The following CNTNAP5 variants were observed in gnomAD, a reference collection of about 807,000 sequenced individuals.
CNTNAP5 encodes contactin-associated protein-like 5.
CNTNAP5 carries 72 observed loss-of-function variants against 150.2 expected under a neutral mutation model. The ratio of observed to expected loss-of-function variants is 0.48; its 90% CI spans 0.40 to 0.58. CNTNAP5 has a LOEUF of 0.58. Ranked by LOEUF, CNTNAP5 falls within the 20% of genes least tolerant of loss-of-function variation. The pLI is 0.00. For synonymous variants in CNTNAP5, 672 were observed against 619.8 expected, an observed-to-expected ratio of 1.08 and a Z score of -1.25; for missense variants, 1,636 against 1,626.2, an observed-to-expected ratio of 1.01 and a Z score of -0.10.
At chr2:124,198,380 A>G (rs1265114800) in intron 1 of CNTNAP5, among the ~76,000 whole-genome samples, 3 of 152,094 alleles carry the variant, frequency 2.0e-5, no homozygotes, top group African/African-American at 7.2e-5. Flanking sequence ...ATGTACCTAT[A>G]TATTACAATA....
chr2:124,087,167 A>G (rs563298092), intron 1 of CNTNAP5, among the ~76,000 whole-genome samples: 1 of 151,942 alleles, frequency 6.6e-6, no homozygotes, highest in East Asian at 1.9e-4. Context: ...TTAGAAGCAC[A>G]TTATACGACA....
At chr2:124,140,578 C>G (rs1349019330) in intron 1 of CNTNAP5, among the ~76,000 whole-genome samples, 2 of 97,362 alleles carry the variant, frequency 2.1e-5, no homozygotes, top group Non-Finnish European at 4.3e-5. Flanking sequence ...AGCTGAGGGT[C>G]CTGTCTGTTA....
At chr2:124,052,628 T>C (rs922016385) in intron 1 of CNTNAP5, among the ~76,000 whole-genome samples, 3 of 152,228 alleles carry the variant, frequency 2.0e-5, no homozygotes, top group Non-Finnish European at 4.4e-5. Context: ...ATTGGACTTG[T>C]GTTCTGAGCT....
chr2:124,834,458 T>A (rs950155930), intron 19 of CNTNAP5, among the ~76,000 whole-genome samples: 4 of 152,174 alleles, frequency 2.6e-5, no homozygotes, highest in African/African-American at 9.7e-5. Context: ...CCACGTTTCC[T>A]AGCCAGCTGT....
chr2:124,286,784 T>A (rs1326557165), intron 3 of CNTNAP5, among the ~76,000 whole-genome samples: 1 of 152,122 alleles, frequency 6.6e-6, no homozygotes, highest in East Asian at 1.9e-4. Context: ...CAGTTCAGGG[T>A]TTGCACTGTG....
chr2:124,604,353 AT>A, intron 11 of CNTNAP5, among the ~76,000 whole-genome samples: 1 of 152,306 alleles, frequency 6.6e-6, no homozygotes, highest in East Asian at 1.9e-4. Context: ...TATTAAATGT[AT>A]TTTTATATTT....
chr2:124,377,673 C>A (rs1402266700), intron 3 of CNTNAP5, among the ~76,000 whole-genome samples: 5 of 134,092 alleles, frequency 3.7e-5, no homozygotes, highest in Non-Finnish European at 6.3e-5. Context: ...AAAACTCCAT[C>A]TCAAAAAGGA....
intron 15 of CNTNAP5, 38 bp downstream of exon 15, chr2:124,763,837 A>T (rs769450772): frequency 6.2e-7 from 1 of 1,611,770 alleles, no homozygotes; most frequent in South Asian, 1.1e-5. Flanking sequence ...TCTCTGCATT[A>T]CATGAGCACA....
intron 1 of CNTNAP5, among the ~76,000 whole-genome samples, chr2:124,163,242 A>T (rs900168870): frequency 9.2e-5 from 14 of 152,250 alleles, no homozygotes; most frequent in Non-Finnish European, 1.9e-4. Flanking sequence ...TCAGTGTTTG[A>T]TATTTGGGCC....
At chr2:124,161,379 AG>A in intron 1 of CNTNAP5, among the ~76,000 whole-genome samples, 1 of 152,194 alleles carries the variant, frequency 6.6e-6, no homozygotes, top group East Asian at 1.9e-4. Context: ...TTGGATTTGG[AG>A]AAAATAAACT....
intron 1 of CNTNAP5, among the ~76,000 whole-genome samples, chr2:124,155,940 G>A (rs960537): frequency 0.069 from 10,490 of 152,326 alleles, 558 homozygotes; most frequent in East Asian, 0.24. Flanking sequence ...GGACAAGTGG[G>A]ATAGAGCAAG....
intron 1 of CNTNAP5, among the ~76,000 whole-genome samples, chr2:124,163,854 T>C (rs966137715): frequency 2.9e-5 from 2 of 68,096 alleles, no homozygotes; most frequent in African/African-American, 4.9e-5. Flanking sequence ...TGCTTCTGCA[T>C]GCCTCTAAGA....
At chr2:124,690,546 G>C (rs566749678) in intron 13 of CNTNAP5, among the ~76,000 whole-genome samples, 11 of 152,106 alleles carry the variant, frequency 7.2e-5, no homozygotes, top group African/African-American at 2.6e-4. Context: ...TACCTACCAG[G>C]TAAATGATAG....
chr2:124,036,419 G>T (rs1049784695), intron 1 of CNTNAP5, among the ~76,000 whole-genome samples: 1 of 151,958 alleles, frequency 6.6e-6, no homozygotes, highest in Non-Finnish European at 1.5e-5. Context: ...GATACTGCTC[G>T]CCCCTGTTAC....
chr2:124,681,901 C>T (rs1053892067), intron 13 of CNTNAP5, among the ~76,000 whole-genome samples: 2 of 152,008 alleles, frequency 1.3e-5, no homozygotes, highest in African/African-American at 4.8e-5. Flanking sequence ...ATTTTTCAAT[C>T]CTGATTCCTA....
intron 12 of CNTNAP5, among the ~76,000 whole-genome samples, chr2:124,610,618 T>A (rs1677358128): frequency 6.6e-6 from 1 of 152,194 alleles, no homozygotes; most frequent in Admixed American, 6.5e-5. Context: ...TAATTTACCA[T>A]GAAATACATT....
At chr2:124,682,325 G>A (rs1679087848) in intron 13 of CNTNAP5, among the ~76,000 whole-genome samples, 2 of 152,142 alleles carry the variant, frequency 1.3e-5, no homozygotes, top group Non-Finnish European at 2.9e-5. Context: ...TGTCGTTTTG[G>A]TCATGCGCTG....
intron 1 of CNTNAP5, among the ~76,000 whole-genome samples, chr2:124,079,661 A>C (rs1255709229): frequency 6.6e-6 from 1 of 152,166 alleles, no homozygotes; most frequent in Non-Finnish European, 1.5e-5. Flanking sequence ...GGTTTCTGTC[A>C]CTTTATCAAA....
intron 4 of CNTNAP5, among the ~76,000 whole-genome samples, chr2:124,427,877 C>T (rs1692277776): frequency 6.6e-6 from 1 of 152,188 alleles, no homozygotes; most frequent in Non-Finnish European, 1.5e-5. Flanking sequence ...CTCCTCAAAC[C>T]TCATCAAGAA....
Sources: allele counts gnomAD v4.1 joint callset (sites outside exome capture counted in the v4.1 genomes callset), GRCh38; gene constraint gnomAD v4.1.1; transcripts MANE v1.5; gene names NCBI Gene and HGNC (gene_info 2026-07-23, HGNC 2026-07-21).